Variants in RPTOR observed in about 807,000 individuals in gnomAD.
RPTOR encodes the protein regulatory associated protein of MTOR complex 1, also known as regulatory-associated protein of mTOR.
Under a neutral mutation model 169.9 loss-of-function variants are expected in RPTOR, and 21 were observed. That is an observed-to-expected ratio of 0.12 (90% CI 0.09 to 0.18). RPTOR has a LOEUF of 0.18. Among genes scored for constraint, RPTOR ranks in the 10% least tolerant of loss-of-function variants. The probability of loss-of-function intolerance (pLI) is 1.00; values close to 1 mark genes in which losing one functional copy is unlikely to be tolerated. For synonymous variants in RPTOR, 732 were observed against 753.2 expected (o/e 0.97, Z 0.46); for missense variants, 1,133 against 1,855.9 (o/e 0.61, Z 7.16).
chr17:80,642,198 G>A (rs543465213), intron 2 of RPTOR, among the ~76,000 whole-genome samples: 5 of 152,144 alleles, frequency 3.3e-5, no homozygotes, highest in African/African-American at 7.2e-5. Flanking sequence ...GTGCAGTGGC[G>A]TGATCTCGGC....
chr17:80,847,315 A>G (rs1025693903), intron 11 of RPTOR, among the ~76,000 whole-genome samples: 1 of 152,216 alleles, frequency 6.6e-6, no homozygotes, highest in African/African-American at 2.4e-5. Context: ...GTTTTTGGTC[A>G]CTGAGATAGG....
At chr17:80,946,850 G>A (rs2069110106) in intron 26 of RPTOR, among the ~76,000 whole-genome samples, 1 of 152,206 alleles carries the variant, frequency 6.6e-6, no homozygotes, top group Admixed American at 6.5e-5. Context: ...TGGAATTGCT[G>A]GACCATATGG....
chr17:80,749,241 G>A (rs1598279182), intron 5 of RPTOR, among the ~76,000 whole-genome samples: 1 of 23,794 alleles, frequency 4.2e-5, no homozygotes, highest in Non-Finnish European at 8.0e-5. Flanking sequence ...GGCCGTGGCA[G>A]GAGGACCTGT....
chr17:80,888,163 G>A, intron 17 of RPTOR, among the ~76,000 whole-genome samples: 1 of 152,188 alleles, frequency 6.6e-6, no homozygotes, highest in Non-Finnish European at 1.5e-5. Flanking sequence ...CACCCAGATT[G>A]GAATACAGTG....
intron 3 of RPTOR, among the ~76,000 whole-genome samples, chr17:80,706,364 C>G (rs2066142050): frequency 6.6e-6 from 1 of 152,218 alleles, no homozygotes; most frequent in Admixed American, 6.5e-5. Flanking sequence ...AATGATAGAA[C>G]TGGAGTAGCT....
chr17:80,854,624 TG>T (rs2067832647), intron 11 of RPTOR, among the ~76,000 whole-genome samples: 1 of 152,268 alleles, frequency 6.6e-6, no homozygotes, highest in Admixed American at 6.5e-5. Context: ...CCAGGCATGA[TG>T]GCCCACGCCT....
intron 9 of RPTOR, among the ~76,000 whole-genome samples, chr17:80,833,360 A>T (rs1271454036): frequency 2.0e-5 from 3 of 152,070 alleles, no homozygotes; most frequent in Non-Finnish European, 4.4e-5. Context: ...AGCTAATCAC[A>T]GCCTCCTCCC....
At chr17:80,682,546 G>A (rs1283814868) in intron 3 of RPTOR, among the ~76,000 whole-genome samples, 1 of 152,258 alleles carries the variant, frequency 6.6e-6, no homozygotes, top group Non-Finnish European at 1.5e-5. Flanking sequence ...AGGCAGAGCT[G>A]GGAGTGATGT....
rs1009996005 is a variant in RPTOR, at chr17:80,966,172, G to A, written c.*1842G>A. ...CCCACCCCCATGGGCACCGCGTGCC[G>A]CCTGCACGTGGGCTGTCTTCACAGG... is the stretch of plus-strand genomic sequence containing the variant. On this transcript the variant is annotated 3_prime_UTR_variant, in exon 34 of 34. Coordinates refer to ENST00000306801, the MANE Select transcript of RPTOR (RefSeq NM_020761.3). The A allele has an allele frequency of 3.3e-5, 6 of 179,506 alleles. No homozygotes were observed. Among genetic ancestry groups the A allele is most frequent in the East Asian group, 9.0e-5 (1 of 11,122 alleles). 11.1% of individuals were successfully genotyped at this position (179,506 alleles called of 1,614,324 possible). A position where few individuals can be genotyped will look rare whatever the true frequency, so the allele number is the denominator to read the frequency against.
At position 80,620,303 on chromosome 17, in the gene RPTOR, T is replaced by G. The variant is rs189452761; in HGVS notation, c.163-5388T>G. Among the ~76,000 whole-genome samples the G allele has an allele frequency of 9.8e-5, 15 of 152,370 alleles. No homozygotes were observed. In the East Asian group the frequency reaches 2.9e-3, roughly 29 times the overall value. ...ATGTCTTAAAGTCAAAAAACTTATG[T>G]AATATTATGCAGTTTTTGGCACATT... On this transcript the variant is annotated intron_variant, in intron 1 of 33. Transcript: ENST00000306801.
intron 1 of RPTOR, among the ~76,000 whole-genome samples, chr17:80,552,958 C>G (rs1170480831): frequency 1.3e-5 from 2 of 152,214 alleles, no homozygotes; most frequent in South Asian, 2.1e-4. Context: ...AGCATGTGCC[C>G]TGTGCACTGG....
At chr17:80,893,925 A>T in intron 20 of RPTOR, 60 bp downstream of exon 20, 1 of 1,457,376 alleles carries the variant, frequency 6.9e-7, no homozygotes, top group Non-Finnish European at 9.2e-7. Flanking sequence ...CCCCACACAG[A>T]GCAGCACAGA....
Position 80,563,330 on chromosome 17 carries a change from C to T in RPTOR, c.162+17539C>T, listed in dbSNP as rs573596820. 7.0e-4 allele frequency among the ~76,000 whole-genome samples: 106 copies of T among 151,396 alleles called. 1 individual carries two copies. Among genetic ancestry groups the T allele is most frequent in the Non-Finnish European group, 7.5e-4 (51 of 67,852 alleles). ...CGGGTGGATCACGAGGTCAGGAGTT[C>T]GAGAACAGCCTGGCCAACATAGTGA... On this transcript the variant is annotated intron_variant, in intron 1 of 33. Transcript: ENST00000306801.
intron 1 of RPTOR, among the ~76,000 whole-genome samples, chr17:80,560,704 G>A (rs191161161): frequency 4.6e-5 from 7 of 152,246 alleles, no homozygotes; most frequent in African/African-American, 7.2e-5. Flanking sequence ...TGTGGGAGCC[G>A]CCTCATGCCC....
At chr17:80,872,338 G>A (rs2068060557) in intron 13 of RPTOR, among the ~76,000 whole-genome samples, 1 of 152,182 alleles carries the variant, frequency 6.6e-6, no homozygotes, top group Non-Finnish European at 1.5e-5. Context: ...CTCAGAATGG[G>A]TTTTACTCCG....
At chr17:80,679,559 C>G (rs1487535656) in intron 3 of RPTOR, among the ~76,000 whole-genome samples, 1 of 152,152 alleles carries the variant, frequency 6.6e-6, no homozygotes, top group Non-Finnish European at 1.5e-5. Flanking sequence ...TTTTCCCTCC[C>G]TTTTTGTTTC....
At chr17:80,688,605 T>A (rs925848269) in intron 3 of RPTOR, among the ~76,000 whole-genome samples, 1 of 152,208 alleles carries the variant, frequency 6.6e-6, no homozygotes, top group Non-Finnish European at 1.5e-5. Flanking sequence ...GAGCACACTG[T>A]TTCACTGGCT....
intron 13 of RPTOR, among the ~76,000 whole-genome samples, chr17:80,873,925 T>A (rs549066747): frequency 4.6e-5 from 7 of 152,168 alleles, no homozygotes; most frequent in Middle Eastern, 3.4e-3. Context: ...CGTGCAGAGA[T>A]ACAGACATGT....
chr17:80,705,627 C>T (rs1014733785), intron 3 of RPTOR, among the ~76,000 whole-genome samples: 1 of 152,156 alleles, frequency 6.6e-6, no homozygotes, highest in African/African-American at 2.4e-5. Context: ...AATTGGGCCT[C>T]GTTTTCCTGT....
Sources: gnomAD v4.1 joint callset for allele counts (sites outside exome capture counted in the v4.1 genomes callset) on GRCh38, gnomAD v4.1.1 for gene constraint, MANE v1.5 for transcripts, NCBI Gene and HGNC (gene_info 2026-07-23, HGNC 2026-07-21) for gene names.